KCMF1: variants seen among roughly 807,000 people sequenced by gnomAD.
KCMF1 encodes the protein E3 ubiquitin-protein ligase KCMF1.
A neutral mutation model predicts 41.1 loss-of-function variants in KCMF1; 3 were observed. That is an observed-to-expected ratio of 0.07 (90% CI 0.03 to 0.19). KCMF1 has a LOEUF of 0.19. Among genes scored for constraint, KCMF1 ranks in the 10% least tolerant of loss-of-function variants. KCMF1 has a pLI of 1.00. For synonymous variants in KCMF1, 142 were observed against 164.5 expected, an observed-to-expected ratio of 0.86 and a Z score of 1.04; for missense variants, 286 against 488.9, an observed-to-expected ratio of 0.58 and a Z score of 3.91.
intron 3 of KCMF1, among the ~76,000 whole-genome samples, chr2:85,041,181 G>A (rs969730999): frequency 7.2e-5 from 11 of 152,180 alleles, no homozygotes; most frequent in African/African-American, 2.6e-4. Context: ...TGATTGGTTG[G>A]TTTTATATTA....
In KCMF1 at chr2:85,021,712, C is replaced by T. The variant is rs181903036; in HGVS notation, c.17-6177C>T. 7.9e-4 allele frequency among the ~76,000 whole-genome samples: 120 copies of T among 151,746 alleles called. 1 individual carries two copies. In the Middle Eastern group the frequency reaches 0.01, roughly 13 times the overall value. On this transcript the variant is annotated intron_variant, in intron 1 of 6. Transcript: ENST00000409785. ...TCTTTTTTTTTCCTCATTTGATTCT[C>T]GTAGCAAACTTCATAGATGAAGAGA...
intron 1 of KCMF1, among the ~76,000 whole-genome samples, chr2:85,026,271 G>A (rs539715563): frequency 6.3e-4 from 95 of 151,510 alleles, no homozygotes; most frequent in Middle Eastern, 3.4e-3. Flanking sequence ...GATTACAGGC[G>A]TGAGCCACTG....
intron 2 of KCMF1, among the ~76,000 whole-genome samples, chr2:85,033,552 G>A (rs570154967): frequency 6.6e-6 from 1 of 152,312 alleles, no homozygotes; most frequent in East Asian, 1.9e-4. Context: ...GTGGGCATGT[G>A]TAAAGAGACC....
At chr2:84,982,772 T>C (rs1270985065) in intron 1 of KCMF1, among the ~76,000 whole-genome samples, 8 of 152,150 alleles carry the variant, frequency 5.3e-5, no homozygotes, top group Admixed American at 5.2e-4. Context: ...CCAGGTAGTT[T>C]TCATGTTCAA....
chr2:84,976,599 A>G (rs1673551062), intron 1 of KCMF1, among the ~76,000 whole-genome samples: 1 of 151,694 alleles, frequency 6.6e-6, no homozygotes, highest in Non-Finnish European at 1.5e-5. Flanking sequence ...AGTCCCAGCT[A>G]GATGGGAGGC....
intron 1 of KCMF1, among the ~76,000 whole-genome samples, chr2:85,011,652 A>G (rs541465682): frequency 1.3e-4 from 20 of 152,302 alleles, no homozygotes; most frequent in African/African-American, 3.4e-4. Context: ...TCTGGATGGA[A>G]GAAGACCTGC....
At chr2:84,991,195 G>A (rs994064790) in intron 1 of KCMF1, among the ~76,000 whole-genome samples, 2 of 152,140 alleles carry the variant, frequency 1.3e-5, no homozygotes, top group African/African-American at 4.8e-5. Context: ...AAGGATGACA[G>A]CTCAGTCATC....
chr2:85,005,893 A>C (rs1674458208), intron 1 of KCMF1, among the ~76,000 whole-genome samples: 1 of 152,072 alleles, frequency 6.6e-6, no homozygotes, highest in Admixed American at 6.6e-5. Flanking sequence ...AACATTTATC[A>C]CTCATTTGTG....
intron 1 of KCMF1, among the ~76,000 whole-genome samples, chr2:84,990,563 C>T (rs1347970876): frequency 1.3e-5 from 2 of 151,846 alleles, no homozygotes; most frequent in African/African-American, 4.8e-5. Context: ...AATCTCAATA[C>T]TTTGGGAGGC....
intron 3 of KCMF1, among the ~76,000 whole-genome samples, chr2:85,041,403 C>T (rs1025377068): frequency 6.6e-6 from 1 of 152,302 alleles, no homozygotes; most frequent in Non-Finnish European, 1.5e-5. Flanking sequence ...TTTGATGTCT[C>T]TGCTTCCCAT....
rs910947489 is a variant in KCMF1, at chr2:85,053,889, A to G, written c.*480A>G. ...TACAAAGCCCAAAGCTTTCCCAAAC[A>G]TTATTCAATGGTTACACGACGAAGT... On this transcript the variant is annotated 3_prime_UTR_variant, in exon 7 of 7. Coordinates refer to ENST00000409785, the MANE Select transcript of KCMF1 (RefSeq NM_020122.5). 6.5e-6 allele frequency: 1 copy of G among 152,856 alleles called. No individual in the cohort carries two copies. Among genetic ancestry groups the G allele is most frequent in the Non-Finnish European group, 1.5e-5 (1 of 68,550 alleles). The allele number at this position is 152,856 out of a possible 1,614,324, so 9.5% of individuals were successfully genotyped here. A position where few individuals can be genotyped will look rare whatever the true frequency, so the allele number is the denominator to read the frequency against.
At chr2:85,001,297 A>G (rs1674321068) in intron 1 of KCMF1, among the ~76,000 whole-genome samples, 1 of 151,716 alleles carries the variant, frequency 6.6e-6, no homozygotes, top group Non-Finnish European at 1.5e-5. Context: ...AGCTGTGACT[A>G]CAGGCGTATA....
At chr2:84,984,733 T>C (rs79487529) in intron 1 of KCMF1, among the ~76,000 whole-genome samples, 12,110 of 152,096 alleles carry the variant, frequency 0.08, 769 homozygotes, top group East Asian at 0.34. Flanking sequence ...GGCAGGAGAA[T>C]TGCTTGAACC....
At chr2:84,977,676 G>A (rs1159777150) in intron 1 of KCMF1, among the ~76,000 whole-genome samples, 3 of 151,628 alleles carry the variant, frequency 2.0e-5, no homozygotes. Flanking sequence ...TCCCACCTCA[G>A]CTCTCGAGTA....
chr2:85,007,101 C>CAAAAAAAAAAAAAAAAAAAAAAA (rs764401140), intron 1 of KCMF1, among the ~76,000 whole-genome samples: 1 of 51,904 alleles, frequency 1.9e-5, no homozygotes. Context: ...AACTCAGTCT[C>CAAAAAAAAAAAAAAAAAAAAAAA]AAAAAAAAAA....
At chr2:84,977,565 T>C (rs1206879559) in intron 1 of KCMF1, among the ~76,000 whole-genome samples, 1 of 151,700 alleles carries the variant, frequency 6.6e-6, no homozygotes, top group African/African-American at 2.4e-5. Context: ...GGACCACAGG[T>C]GTGCGCCCCA....
intron 1 of KCMF1, among the ~76,000 whole-genome samples, chr2:84,987,463 T>C (rs1673931723): frequency 6.6e-6 from 1 of 152,242 alleles, no homozygotes; most frequent in South Asian, 2.1e-4. Context: ...AAAGGCTTAT[T>C]GTTGAGAGAG....
intron 1 of KCMF1, among the ~76,000 whole-genome samples, chr2:85,025,396 TTTTA>T (rs1675073588): frequency 6.6e-6 from 1 of 152,174 alleles, no homozygotes; most frequent in East Asian, 1.9e-4. Flanking sequence ...TTTTAACCCC[TTTTA>T]GGTGTACAGT....
intron 6 of KCMF1, among the ~76,000 whole-genome samples, chr2:85,052,574 C>G (rs148573420): frequency 6.6e-6 from 1 of 152,320 alleles, no homozygotes; most frequent in East Asian, 1.9e-4. Context: ...GGCAGGTAGA[C>G]CTTGTGTCTG....
Sources: allele counts gnomAD v4.1 joint callset (sites outside exome capture counted in the v4.1 genomes callset), GRCh38; gene constraint gnomAD v4.1.1; transcripts MANE v1.5; gene names NCBI Gene and HGNC (gene_info 2026-07-23, HGNC 2026-07-21).